Variants in ZNF516 observed in about 807,000 individuals in gnomAD.
The protein encoded by ZNF516 is zinc finger protein 516.
Under a neutral mutation model 79.7 loss-of-function variants are expected in ZNF516, and 19 were observed. The observed-to-expected ratio is 0.24, with a 90% CI of 0.17 to 0.35. The LOEUF is 0.35. Ranked by LOEUF, ZNF516 falls within the 10% of genes least tolerant of loss-of-function variation. The pLI is 1.00. For synonymous variants in ZNF516, 877 were observed against 739.5 expected (o/e 1.19, Z -3.02); for missense variants, 1,678 against 1,679.5 (o/e 1.00, Z 0.02).
At chr18:76,490,330 T>G (rs989757856) in intron 1 of ZNF516, 1 of 274,264 alleles carries the variant, frequency 3.6e-6, no homozygotes, top group Non-Finnish European at 5.6e-6. Flanking sequence ...AATAGTGGTA[T>G]GTGGCATATT....
chr18:76,462,505 G>A (rs1913183026), intron 2 of ZNF516, among the ~76,000 whole-genome samples: 3 of 152,202 alleles, frequency 2.0e-5, no homozygotes, highest in African/African-American at 4.8e-5. Flanking sequence ...ACCTGCCCCC[G>A]TGCGGACGCA....
intron 6 of ZNF516, among the ~76,000 whole-genome samples, chr18:76,368,789 A>G (rs943015587): frequency 6.6e-5 from 10 of 152,374 alleles, no homozygotes; most frequent in Admixed American, 3.9e-4. Flanking sequence ...ATGCTGGGGC[A>G]TAACCAATAA....
At chr18:76,461,049 G>A (rs956653508) in intron 2 of ZNF516, among the ~76,000 whole-genome samples, 1 of 152,202 alleles carries the variant, frequency 6.6e-6, no homozygotes, top group Admixed American at 6.5e-5. Flanking sequence ...GGGCGTGGTG[G>A]CGCATGCCTG....
chr18:76,453,527 AG>A (rs907914885), intron 2 of ZNF516, among the ~76,000 whole-genome samples: 4 of 152,252 alleles, frequency 2.6e-5, no homozygotes, highest in Admixed American at 6.5e-5. Context: ...CTGAAAACCT[AG>A]GGAACACCAG....
chr18:76,484,435 A>G (rs949797570), intron 1 of ZNF516, among the ~76,000 whole-genome samples: 2 of 152,240 alleles, frequency 1.3e-5, no homozygotes, highest in Non-Finnish European at 2.9e-5. Context: ...CTTCACGGTC[A>G]TTACACCAAG....
chr18:76,426,874 G>T (rs2075600369), intron 3 of ZNF516, among the ~76,000 whole-genome samples: 1 of 152,236 alleles, frequency 6.6e-6, no homozygotes, highest in Non-Finnish European at 1.5e-5. Context: ...GTACAGGACA[G>T]GGCCTCTGGA....
intron 1 of ZNF516, among the ~76,000 whole-genome samples, chr18:76,485,284 CT>C (rs1407140453): frequency 6.6e-6 from 1 of 152,134 alleles, no homozygotes; most frequent in East Asian, 1.9e-4. Flanking sequence ...TAATCTAAAT[CT>C]GGGGGGAATA....
At chr18:76,373,176 AAAAG>A (rs2074734305) in intron 4 of ZNF516, among the ~76,000 whole-genome samples, 1 of 151,960 alleles carries the variant, frequency 6.6e-6, no homozygotes, top group African/African-American at 2.4e-5. Flanking sequence ...AGAAAGAGGA[AAAAG>A]AAAAAGAACA....
intron 3 of ZNF516, among the ~76,000 whole-genome samples, chr18:76,382,047 G>T (rs149547884): frequency 0.027 from 4,107 of 152,238 alleles, 182 homozygotes; most frequent in African/African-American, 0.089. Flanking sequence ...CAGGAGAATC[G>T]CTTGAACCCA....
At chr18:76,463,979 C>G (rs1430209899) in intron 1 of ZNF516, among the ~76,000 whole-genome samples, 2 of 152,204 alleles carry the variant, frequency 1.3e-5, no homozygotes, top group African/African-American at 4.8e-5. Context: ...CTCCCCATCA[C>G]TTCCCGTTCT....
chr18:76,397,544 G>A (rs971053061), intron 3 of ZNF516, among the ~76,000 whole-genome samples: 6 of 152,172 alleles, frequency 3.9e-5, no homozygotes, highest in Admixed American at 2.0e-4. Flanking sequence ...AACAACTTGC[G>A]AAAGTATGTT....
Position 76,442,288 on chromosome 18 carries a change from G to A in ZNF516, c.767C>T (p.Ala256Val). The change falls in exon 3 of 7, where the codon GCC becomes GTC. Residue 256 changes from alanine to valine, a missense_variant. Physicochemically the swap from Ala to Val is moderately conservative, Grantham distance 64. Around this residue, in one of 5 missense-constraint regions of ZNF516, gnomAD observed 279 missense variants for 254.1 expected, o/e 1.10. Transcript: ENST00000443185. ...CTTCAGGAACCAGGTCTGGCTGAAG[G>A]CCTGGCCACACACCTCGCACGGGAA... ...GEFPCEVCGQ[A>V]FSQTWFLKAH... 2 of 1,610,474 alleles carry A rather than the reference G, an allele frequency of 1.2e-6. No individual in the cohort carries two copies. Among genetic ancestry groups the A allele is most frequent in the Non-Finnish European group, 1.7e-6 (2 of 1,178,892 alleles).
intron 4 of ZNF516, among the ~76,000 whole-genome samples, chr18:76,374,070 G>A (rs1345023368): frequency 7.2e-5 from 11 of 152,244 alleles, no homozygotes; most frequent in Admixed American, 7.2e-4. Flanking sequence ...TATCCATAGA[G>A]AAAGAGGAGA....
chr18:76,462,313 C>T (rs9957373), intron 2 of ZNF516, among the ~76,000 whole-genome samples: 3,394 of 152,284 alleles, frequency 0.022, 48 homozygotes, highest in Middle Eastern at 0.034. Flanking sequence ...ATGACCCAAT[C>T]GATTACTGAA....
chr18:76,454,642 A>G lies in ZNF516; in HGVS notation c.-158+8386T>C, dbSNP rs180721102. On this transcript the variant is annotated intron_variant, in intron 2 of 6. Transcript: ENST00000443185. Reference sequence around the variant, plus strand: ...ACAAAGAGCAATTCCTGACAAAAACATGATGTCACATTTCCATAGGATTTA... The same window carrying G: ...ACAAAGAGCAATTCCTGACAAAAACGTGATGTCACATTTCCATAGGATTTA... 2.6e-4 allele frequency among the ~76,000 whole-genome samples: 39 copies of G among 152,350 alleles called. No individual in the cohort carries two copies. The East Asian group carries it at 7.5e-3, about 29-fold the overall frequency.
intron 6 of ZNF516, among the ~76,000 whole-genome samples, chr18:76,366,667 C>T (rs1183505349): frequency 6.6e-6 from 1 of 152,194 alleles, no homozygotes; most frequent in Non-Finnish European, 1.5e-5. Context: ...CGTGTGTGCT[C>T]ACCACAGAAA....
Position 76,493,305 on chromosome 18 carries a change from G to A in ZNF516, c.-272+1839C>T. 1 of 189,830 alleles carries A rather than the reference G, an allele frequency of 5.3e-6. No individual in the cohort carries two copies. The highest frequency in any genetic ancestry group is 7.8e-6 in the Non-Finnish European group (1 of 127,452). 11.8% of individuals were successfully genotyped at this position (189,830 alleles called of 1,614,324 possible). A position where few individuals can be genotyped will look rare whatever the true frequency, so the allele number is the denominator to read the frequency against. ...GAGGCGGAAAGGGAGCTCCGAGAAAGAAGGAGGGGTCATTCCGCGGGGGGC... is the reference window on the plus strand; with the variant it reads ...GAGGCGGAAAGGGAGCTCCGAGAAAAAAGGAGGGGTCATTCCGCGGGGGGC... On this transcript the variant is annotated intron_variant, in intron 1 of 6. Transcript: ENST00000443185. The surrounding 1 kb of genome is among the most constrained non-coding windows in gnomAD (Gnocchi z 5.2).
chr18:76,359,619 G>C lies in ZNF516; in HGVS notation c.*2879C>G, dbSNP rs1453176436. 2 of 152,262 alleles carry C rather than the reference G, an allele frequency of 1.3e-5. No individual in the cohort carries two copies. The highest frequency in any genetic ancestry group is 3.9e-4 in the East Asian group (2 of 5,172). The allele number at this position is 152,262 out of a possible 1,614,324, so 9.4% of individuals were successfully genotyped here. ...GCAGCCAGGCCCCAGCAGGGGCAGA[G>C]CGGGAAGCAGCGAGCGGAAAGCAGG... On this transcript the variant is annotated 3_prime_UTR_variant, in exon 7 of 7. Coordinates refer to ENST00000443185, the MANE Select transcript of ZNF516 (RefSeq NM_014643.4).
chr18:76,406,976 C>A (rs1225260089), intron 3 of ZNF516, among the ~76,000 whole-genome samples: 1 of 152,206 alleles, frequency 6.6e-6, no homozygotes, highest in Admixed American at 6.5e-5. Flanking sequence ...ACCCGGGGCA[C>A]ACAGTGCGTC....
Sources: gnomAD v4.1 joint callset for allele counts (sites outside exome capture counted in the v4.1 genomes callset) on GRCh38, gnomAD v4.1.1 for gene constraint, gnomAD v4.1.1 regional missense constraint, Gnocchi (gnomAD v3.1) non-coding constraint, MANE v1.5 for transcripts, NCBI Gene and HGNC (gene_info 2026-07-23, HGNC 2026-07-21) for gene names.